Variants in TRIO observed in about 807,000 individuals in gnomAD.
TRIO encodes the protein triple functional domain protein.
Under a neutral mutation model 351.9 loss-of-function variants are expected in TRIO, and 58 were observed. The ratio of observed to expected loss-of-function variants is 0.16; its 90% confidence interval spans 0.13 to 0.21. The LOEUF (loss-of-function observed/expected upper bound fraction) is 0.21, where lower values mean the gene tolerates loss of function less well. TRIO is among the 10% of genes least tolerant of loss of function. The probability of loss-of-function intolerance (pLI) is 1.00; values close to 1 mark genes in which losing one functional copy is unlikely to be tolerated. For missense variants in TRIO, 3,201 were observed against 4,027.8 expected, an observed-to-expected ratio of 0.79 and a Z score of 5.56; for synonymous variants, 1,758 against 1,595.7, an observed-to-expected ratio of 1.10 and a Z score of -2.42.
At chr5:14,469,158 A>C (rs1333964603) in intron 37 of TRIO, among the ~76,000 whole-genome samples, 1 of 152,182 alleles carries the variant, frequency 6.6e-6, no homozygotes, top group Non-Finnish European at 1.5e-5. Context: ...CAACAAAATA[A>C]ACCAAAGAAA....
chr5:14,488,297 CT>C (rs922704794), intron 48 of TRIO, 37 bp downstream of exon 48: 3 of 1,520,630 alleles, frequency 2.0e-6, no homozygotes, highest in African/African-American at 2.7e-5. Context: ...TCCCGCCCCC[CT>C]GCCTCTGTCC....
intron 1 of TRIO, among the ~76,000 whole-genome samples, chr5:14,189,108 G>A (rs1790309507): frequency 6.6e-6 from 1 of 152,098 alleles, no homozygotes; most frequent in Admixed American, 6.5e-5. Flanking sequence ...GAATCACATT[G>A]CTTTTTAATT....
Position 14,336,618 on chromosome 5 carries a change from A to T in TRIO, c.1937A>T (p.Tyr646Phe), listed in dbSNP as rs752518769. 10 of 1,614,226 alleles carry T rather than the reference A, an allele frequency of 6.2e-6. No homozygotes were observed. The change falls in exon 11 of 57, where the codon TAT becomes TTT. Residue 646 changes from tyrosine to phenylalanine, a missense_variant. Tyr to Phe is a conservative substitution (Grantham distance 22). Transcript: ENST00000344204. Reference sequence around the variant, plus strand: ...GGGGAATGTGACCCCGAAGAGATTTATCAGGCTGCCCATCAGCTGGAAGAC... The same window carrying T: ...GGGGAATGTGACCCCGAAGAGATTTTTCAGGCTGCCCATCAGCTGGAAGAC... ...QTGECDPEEI[Y>F]QAAHQLEDRI...
At chr5:14,453,870 T>C (rs1458792179) in intron 34 of TRIO, among the ~76,000 whole-genome samples, 1 of 152,172 alleles carries the variant, frequency 6.6e-6, no homozygotes, top group Non-Finnish European at 1.5e-5. Flanking sequence ...GACTTTTTTT[T>C]CTTCCAAGGT....
chr5:14,165,991 C>A (rs11747048), intron 1 of TRIO, among the ~76,000 whole-genome samples: 37,387 of 152,176 alleles, frequency 0.25, 4,787 homozygotes, highest in Middle Eastern at 0.3. Context: ...TTTCTCATTT[C>A]TTCCTTTCTC....
chr5:14,246,743 G>A (rs776384412), intron 1 of TRIO, among the ~76,000 whole-genome samples: 5 of 152,172 alleles, frequency 3.3e-5, no homozygotes, highest in Admixed American at 6.5e-5. Flanking sequence ...GAAGGAAAAG[G>A]GTAACACTCT....
rs763773654 is a variant in TRIO, at chr5:14,419,904, T to C, written c.5086T>C (p.Cys1696Arg). 3.1e-6 allele frequency: 5 copies of C among 1,614,154 alleles called. No homozygotes were observed. Among genetic ancestry groups the C allele is most frequent in the Non-Finnish European group, 4.2e-6 (5 of 1,180,008 alleles). ...LERPHDKPDW[C>R]LVRTTDRSPA... ...GCGGCCGCATGACAAGCCTGACTGG[T>C]GTCTGGTGCGGACAACTGACCGCTC... The change falls in exon 34 of 57, where the codon TGT (cysteine) becomes CGT (arginine). Residue 1696 changes from cysteine (C) to arginine (R), a missense_variant. This residue lies in a region of TRIO where 193 missense variants were observed against 218.8 expected (regional missense o/e 0.88). Coordinates refer to ENST00000344204, the MANE Select transcript of TRIO (RefSeq NM_007118.4).
intron 21 of TRIO, among the ~76,000 whole-genome samples, chr5:14,384,888 G>C (rs532306788): frequency 6.6e-6 from 1 of 152,096 alleles, no homozygotes; most frequent in Non-Finnish European, 1.5e-5. Context: ...GGACTGATTT[G>C]CCAGTAAGAA....
chr5:14,377,248 T>G (rs1157974971), intron 19 of TRIO, among the ~76,000 whole-genome samples: 1 of 151,968 alleles, frequency 6.6e-6, no homozygotes, highest in African/African-American at 2.4e-5. Context: ...TTTGTATTTT[T>G]TTTTGTTTTT....
chr5:14,281,380 T>TC (rs1735979274), intron 3 of TRIO, among the ~76,000 whole-genome samples: 1 of 147,762 alleles, frequency 6.8e-6, no homozygotes, highest in African/African-American at 2.6e-5. Flanking sequence ...TCATGAGAAC[T>TC]CCATCAGGGG....
At chr5:14,475,529 A>G (rs1755008595) in intron 40 of TRIO, among the ~76,000 whole-genome samples, 1 of 152,240 alleles carries the variant, frequency 6.6e-6, no homozygotes, top group Non-Finnish European at 1.5e-5. Context: ...CTCCTAACAG[A>G]ATGTAAAACC....
chr5:14,392,056 T>C lies in TRIO; in HGVS notation c.4218+1066T>C, dbSNP rs547843143. ...AGTATTAAGTATTTCACTTAAACAG[T>C]GAGGGCACATAGCACATTTAATGTT... On this transcript the variant is annotated intron_variant, in intron 27 of 56. Transcript: ENST00000344204. 3.9e-5 allele frequency among the ~76,000 whole-genome samples: 6 copies of C among 152,292 alleles called. No individual in the cohort carries two copies. The South Asian group carries it at 1.2e-3, about 32-fold the overall frequency.
At chr5:14,429,056 G>A (rs1750882242) in intron 34 of TRIO, among the ~76,000 whole-genome samples, 1 of 152,218 alleles carries the variant, frequency 6.6e-6, no homozygotes, top group Admixed American at 6.5e-5. Context: ...ACTCTAGTTA[G>A]CATTTGCAGA....
intron 34 of TRIO, among the ~76,000 whole-genome samples, chr5:14,455,890 C>T (rs1156500409): frequency 6.6e-6 from 1 of 152,276 alleles, no homozygotes; most frequent in Non-Finnish European, 1.5e-5. Context: ...GCACTGCACA[C>T]CTGCACTCCT....
At chr5:14,502,510 T>A in intron 53 of TRIO, 69 bp from the exon 54 acceptor site, 1 of 1,539,540 alleles carries the variant, frequency 6.5e-7, no homozygotes, top group Non-Finnish European at 9.0e-7. Flanking sequence ...GGACAGTGCG[T>A]GGCGATAGCC....
At chr5:14,378,581 CAG>C (rs1179392012) in intron 20 of TRIO, among the ~76,000 whole-genome samples, 3 of 149,074 alleles carry the variant, frequency 2.0e-5, no homozygotes, top group South Asian at 2.1e-4. Flanking sequence ...TTTTTTGAGA[CAG>C]AGTTTTGCTC....
Position 14,487,555 on chromosome 5 carries a change from C to T in TRIO, c.6927C>T (p.Gly2309=), listed in dbSNP as rs1234734191. ...SGGSGGGGGS[G]GGGAPSGGSG... The stretch of plus-strand genomic sequence containing the variant: ...GCAGCGGCGGGGGTGGGGGCAGCGG[C>T]GGCGGCGGGGCCCCCAGTGGCGGCA... The change falls in exon 48 of 57, where the codon GGC becomes GGT. Residue 2309 remains glycine (G), a synonymous_variant. Coordinates refer to ENST00000344204, the MANE Select transcript of TRIO (RefSeq NM_007118.4). 9.2e-7 allele frequency: 1 copy of T among 1,086,452 alleles called. No homozygotes were observed. Among genetic ancestry groups the T allele is most frequent in the Non-Finnish European group, 1.1e-6 (1 of 886,810 alleles). The allele number at this position is 1,086,452 out of a possible 1,614,324, so 67.3% of individuals were successfully genotyped here.
chr5:14,388,729 T>A (rs1746782674), intron 24 of TRIO, 50 bp downstream of exon 24: 1 of 1,559,710 alleles, frequency 6.4e-7, no homozygotes, highest in African/African-American at 1.4e-5. Flanking sequence ...AGATTGAGCA[T>A]AAGCTTGCTA....
intron 47 of TRIO, among the ~76,000 whole-genome samples, chr5:14,486,913 G>C (rs1001720289): frequency 6.6e-6 from 1 of 152,132 alleles, no homozygotes; most frequent in Non-Finnish European, 1.5e-5. Context: ...TCAAGAGTTT[G>C]TGCATGTTTC....
Sources: gnomAD v4.1 joint callset for allele counts (sites outside exome capture counted in the v4.1 genomes callset) on GRCh38, gnomAD v4.1.1 for gene constraint, gnomAD v4.1.1 regional missense constraint, MANE v1.5 for transcripts, NCBI Gene and HGNC (gene_info 2026-07-23, HGNC 2026-07-21) for gene names.